Variants in RIMS1 observed in about 807,000 individuals in gnomAD.
The protein encoded by RIMS1 is regulating synaptic membrane exocytosis 1.
In RIMS1, 83 loss-of-function variants were observed where a neutral mutation model predicts 214.1. The observed-to-expected ratio is 0.39, with a 90% confidence interval of 0.32 to 0.47. RIMS1 has a LOEUF of 0.47. RIMS1 is among the 20% of genes least tolerant of loss of function. RIMS1 has a pLI of 0.99. For missense variants in RIMS1, 2,050 were observed against 2,161.8 expected (o/e 0.95, Z 1.03); for synonymous variants, 793 against 786.8 (o/e 1.01, Z -0.13).
intron 1 of RIMS1, among the ~76,000 whole-genome samples, chr6:71,902,599 G>C (rs1348484906): frequency 6.6e-6 from 1 of 151,908 alleles, no homozygotes; most frequent in Non-Finnish European, 1.5e-5. Context: ...GTAGGTAGTT[G>C]CTGGTTTGCT....
intron 4 of RIMS1, among the ~76,000 whole-genome samples, chr6:72,121,390 A>G (rs1411670180): frequency 1.3e-5 from 2 of 151,798 alleles, no homozygotes; most frequent in African/African-American, 4.8e-5. Flanking sequence ...TTGGATTCCT[A>G]GGTGTTTTAT....
intron 1 of RIMS1, among the ~76,000 whole-genome samples, chr6:71,960,403 T>C (rs1330036469): frequency 6.6e-6 from 1 of 152,216 alleles, no homozygotes; most frequent in East Asian, 1.9e-4. Flanking sequence ...ATCTTTAAGA[T>C]AACCTATGTT....
chr6:72,295,062 C>G (rs1182855070), intron 26 of RIMS1, among the ~76,000 whole-genome samples: 1 of 151,716 alleles, frequency 6.6e-6, no homozygotes, highest in East Asian at 1.9e-4. Flanking sequence ...CTGAAGCCAA[C>G]CAGTAACTTT....
chr6:72,344,577 C>G (rs527242298), intron 29 of RIMS1, among the ~76,000 whole-genome samples: 2 of 151,856 alleles, frequency 1.3e-5, no homozygotes, highest in East Asian at 3.9e-4. Context: ...GAAAAACATT[C>G]TGAAGAATGT....
intron 26 of RIMS1, among the ~76,000 whole-genome samples, chr6:72,300,475 T>G (rs1442129102): frequency 6.6e-6 from 1 of 151,814 alleles, no homozygotes; most frequent in Non-Finnish European, 1.5e-5. Context: ...CTGTATCCAT[T>G]AGTATTATTG....
intron 2 of RIMS1, among the ~76,000 whole-genome samples, chr6:71,981,756 G>C (rs1798535743): frequency 6.6e-6 from 1 of 151,828 alleles, no homozygotes; most frequent in South Asian, 2.1e-4. Flanking sequence ...TGCTATCTTG[G>C]GATATGTTTT....
intron 2 of RIMS1, among the ~76,000 whole-genome samples, chr6:72,046,365 T>G (rs1410159331): frequency 6.6e-6 from 1 of 152,082 alleles, no homozygotes; most frequent in Non-Finnish European, 1.5e-5. Flanking sequence ...GGAAGAACTT[T>G]GACCATGTTT....
intron 29 of RIMS1, among the ~76,000 whole-genome samples, chr6:72,359,886 A>T (rs2097765623): frequency 6.6e-6 from 1 of 152,154 alleles, no homozygotes; most frequent in African/African-American, 2.4e-5. Flanking sequence ...CATGACAACA[A>T]CCCACCATAT....
At chr6:72,336,330 A>G (rs938715846) in intron 29 of RIMS1, among the ~76,000 whole-genome samples, 4 of 151,818 alleles carry the variant, frequency 2.6e-5, no homozygotes, top group Non-Finnish European at 4.4e-5. Flanking sequence ...TTAATAAGTA[A>G]TGGGTTCAAA....
intron 6 of RIMS1, among the ~76,000 whole-genome samples, chr6:72,184,985 T>G (rs1311701229): frequency 2.0e-5 from 3 of 152,224 alleles, no homozygotes; most frequent in Non-Finnish European, 2.9e-5. Context: ...AGAGTTATTT[T>G]CCTGGACTAG....
intron 2 of RIMS1, among the ~76,000 whole-genome samples, chr6:72,068,836 G>A (rs1282929357): frequency 1.3e-5 from 2 of 151,812 alleles, no homozygotes; most frequent in African/African-American, 2.4e-5. Context: ...ACGTGAACTC[G>A]GGAGGCGGAG....
intron 2 of RIMS1, among the ~76,000 whole-genome samples, chr6:72,009,209 T>A (rs931192463): frequency 4.6e-5 from 7 of 152,196 alleles, no homozygotes; most frequent in Non-Finnish European, 1.0e-4. Flanking sequence ...CTGAACAACC[T>A]GCTCCTGAAT....
At chr6:72,204,065 T>C (rs71557815) in intron 6 of RIMS1, among the ~76,000 whole-genome samples, 11 of 152,228 alleles carry the variant, frequency 7.2e-5, no homozygotes, top group Non-Finnish European at 1.5e-5. Context: ...AGGTATGTTT[T>C]GGAACTTCTT....
chr6:71,927,510 A>C (rs2150850782), intron 1 of RIMS1, among the ~76,000 whole-genome samples: 1 of 152,286 alleles, frequency 6.6e-6, no homozygotes, highest in Non-Finnish European at 1.5e-5. Context: ...TTGACTGATT[A>C]GACAAAATTC....
intron 13 of RIMS1, 27 bp from the exon 14 acceptor site, chr6:72,250,894 C>A: frequency 7.3e-7 from 1 of 1,376,982 alleles, no homozygotes; most frequent in South Asian, 1.5e-5. Flanking sequence ...CTTGCTTTTT[C>A]ATTTACAAAA....
chr6:71,902,124 G>A (rs1386857980), intron 1 of RIMS1, among the ~76,000 whole-genome samples: 1 of 152,122 alleles, frequency 6.6e-6, no homozygotes, highest in African/African-American at 2.4e-5. Flanking sequence ...AGAGAATACA[G>A]TGGAGGAGGT....
chr6:72,313,599 A>G lies in RIMS1; in HGVS notation c.4057A>G (p.Thr1353Ala), dbSNP rs886061709. 1.4e-5 allele frequency: 22 copies of G among 1,613,644 alleles called. No individual in the cohort carries two copies. Among genetic ancestry groups the G allele is most frequent in the Non-Finnish European group, 2.5e-6 (3 of 1,179,798 alleles). Residue 1353 changes from threonine (T) to alanine (A), a missense_variant, in exon 28 of 34, where the codon ACC (threonine) becomes GCC (alanine). Transcript: ENST00000521978. ...DVSDVSAISR[T>A]SSASRLSSTS... ...CAGTGATGTTTCCGCCATTTCCCGAACCAGCAGTGCCTCACGCCTCAGCAG... is the reference window on the plus strand; with the variant it reads ...CAGTGATGTTTCCGCCATTTCCCGAGCCAGCAGTGCCTCACGCCTCAGCAG...
intron 10 of RIMS1, among the ~76,000 whole-genome samples, chr6:72,243,497 A>G (rs1414956376): frequency 6.6e-6 from 1 of 151,800 alleles, no homozygotes; most frequent in East Asian, 1.9e-4. Context: ...CAATACTACA[A>G]TTTATGCTAG....
intron 1 of RIMS1, among the ~76,000 whole-genome samples, chr6:71,918,289 A>G (rs1438523268): frequency 2.0e-5 from 3 of 152,142 alleles, no homozygotes; most frequent in South Asian, 2.1e-4. Context: ...GATGACCAGG[A>G]AAGTGTAGAG....
Sources: gnomAD v4.1 joint callset for allele counts (sites outside exome capture counted in the v4.1 genomes callset) on GRCh38, gnomAD v4.1.1 for gene constraint, MANE v1.5 for transcripts, NCBI Gene and HGNC (gene_info 2026-07-23, HGNC 2026-07-21) for gene names.